The following EDIL3 variants were observed in gnomAD, a reference collection of about 807,000 sequenced individuals.
EDIL3 encodes the protein EGF-like repeat and discoidin I-like domain-containing protein 3.
A neutral mutation model predicts 67.4 loss-of-function variants in EDIL3; 37 were observed. The ratio of observed to expected loss-of-function variants is 0.55; its 90% CI spans 0.42 to 0.72. EDIL3 has a LOEUF of 0.72. EDIL3 is among the 30% of genes least tolerant of loss of function. EDIL3 has a pLI of 0.00. For synonymous variants in EDIL3, 195 were observed against 196.3 expected (o/e 0.99, Z 0.05); for missense variants, 527 against 586.3 (o/e 0.90, Z 1.04).
chr5:84,349,125 A>C (rs1300284083), intron 1 of EDIL3, among the ~76,000 whole-genome samples: 1 of 152,096 alleles, frequency 6.6e-6, no homozygotes, highest in Non-Finnish European at 1.5e-5. Context: ...CTTAACTTCT[A>C]CTGCCAAATT....
intron 9 of EDIL3, among the ~76,000 whole-genome samples, chr5:84,060,082 A>G (rs553470179): frequency 1.3e-5 from 2 of 152,328 alleles, no homozygotes; most frequent in African/African-American, 4.8e-5. Flanking sequence ...AGTCTCCTGC[A>G]TCAAGCTTAC....
At chr5:84,081,512 T>C (rs1232998435) in intron 6 of EDIL3, among the ~76,000 whole-genome samples, 3 of 151,986 alleles carry the variant, frequency 2.0e-5, no homozygotes, top group Non-Finnish European at 2.9e-5. Flanking sequence ...ACTTTGCTAA[T>C]GAATATTTTT....
At chr5:84,217,140 CAAAAAAA>C (rs33931531) in intron 3 of EDIL3, among the ~76,000 whole-genome samples, 2 of 136,150 alleles carry the variant, frequency 1.5e-5, no homozygotes, top group Non-Finnish European at 3.2e-5. Context: ...CAAGGACAGC[CAAAAAAA>C]AAAAAAAAAA....
At chr5:84,241,949 G>A (rs903194715) in intron 2 of EDIL3, among the ~76,000 whole-genome samples, 6 of 151,818 alleles carry the variant, frequency 4.0e-5, no homozygotes, top group Admixed American at 1.3e-4. Flanking sequence ...AGCCGGGCGC[G>A]GTGGCTCACG....
rs115508125 is a variant in EDIL3 at position 84,269,210 on chromosome 5, C to T, written c.68-14998G>A. Among the ~76,000 whole-genome samples the T allele has an allele frequency of 5.7e-3, 874 of 152,260 alleles. 11 individuals are homozygous for T. The highest frequency in any genetic ancestry group is 0.02 in the African/African-American group (821 of 41,566). ...CAATATGTCTCAGAGATTGTCAGCA[C>T]AAAGCCATTTCACTTTTTTCAGCAA... On this transcript the variant is annotated intron_variant, in intron 1 of 10. Transcript: ENST00000296591.
intron 4 of EDIL3, among the ~76,000 whole-genome samples, chr5:84,147,151 C>A (rs73769746): frequency 6.6e-6 from 1 of 151,734 alleles, no homozygotes; most frequent in East Asian, 1.9e-4. Context: ...TTGCCTGTAT[C>A]TAAACTTTAT....
At chr5:84,175,764 T>C (rs576842481) in intron 4 of EDIL3, among the ~76,000 whole-genome samples, 1 of 152,186 alleles carries the variant, frequency 6.6e-6, no homozygotes, top group African/African-American at 2.4e-5. Flanking sequence ...TGATTGAAGG[T>C]AGTGGTCATT....
At chr5:84,126,423 A>G (rs1228895612) in intron 5 of EDIL3, among the ~76,000 whole-genome samples, 1 of 152,108 alleles carries the variant, frequency 6.6e-6, no homozygotes, top group African/African-American at 2.4e-5. Context: ...AACATATAAA[A>G]TGAAATACAA....
intron 1 of EDIL3, among the ~76,000 whole-genome samples, chr5:84,269,799 A>G (rs1745426808): frequency 6.6e-6 from 1 of 152,200 alleles, no homozygotes; most frequent in South Asian, 2.1e-4. Flanking sequence ...CTCAAGAGGC[A>G]TATCAGTAGA....
At chr5:84,008,180 A>G (rs2112177262) in intron 9 of EDIL3, among the ~76,000 whole-genome samples, 1 of 152,278 alleles carries the variant, frequency 6.6e-6, no homozygotes, top group Admixed American at 6.5e-5. Flanking sequence ...TAATGGGTAC[A>G]AACATATGGT....
At chr5:84,311,705 G>C (rs956133144) in intron 1 of EDIL3, among the ~76,000 whole-genome samples, 2 of 152,034 alleles carry the variant, frequency 1.3e-5, no homozygotes, top group Non-Finnish European at 1.5e-5. Flanking sequence ...AGGACCCTGC[G>C]GCCTTCCGCA....
At position 84,259,828 on chromosome 5, in the gene EDIL3, C is replaced by T. The variant is rs76784667; in HGVS notation, c.68-5616G>A. ...ACCTCAACAGCAAAGTGTGTGAGCA[C>T]CTATAAAATACTACTTGGTATTGCA... On this transcript the variant is annotated intron_variant, in intron 1 of 10. Transcript: ENST00000296591. Among the ~76,000 whole-genome samples the T allele has an allele frequency of 6.6e-3, 1,000 of 152,112 alleles. 15 individuals carry two copies. Among genetic ancestry groups the T allele is most frequent in the African/African-American group, 0.023 (953 of 41,464 alleles).
chr5:84,168,488 T>C (rs1282606787), intron 4 of EDIL3, among the ~76,000 whole-genome samples: 1 of 152,162 alleles, frequency 6.6e-6, no homozygotes, highest in Non-Finnish European at 1.5e-5. Flanking sequence ...ATTTCTAGAT[T>C]CTATCTTAAT....
intron 4 of EDIL3, among the ~76,000 whole-genome samples, chr5:84,176,509 T>C (rs1158011856): frequency 2.0e-5 from 3 of 151,362 alleles, no homozygotes; most frequent in African/African-American, 7.3e-5. Context: ...GAGAAGAATG[T>C]ACAGAATGCC....
At chr5:84,356,087 A>G (rs1747474417) in intron 1 of EDIL3, among the ~76,000 whole-genome samples, 1 of 152,196 alleles carries the variant, frequency 6.6e-6, no homozygotes, top group Non-Finnish European at 1.5e-5. Flanking sequence ...CTACTATGAA[A>G]TTATATAGGC....
intron 1 of EDIL3, among the ~76,000 whole-genome samples, chr5:84,274,225 C>T (rs1391683611): frequency 6.6e-6 from 1 of 152,034 alleles, no homozygotes; most frequent in East Asian, 1.9e-4. Context: ...TCCTTAGCCT[C>T]CCAAGTAGGT....
At chr5:84,001,456 C>T (rs906605588) in intron 9 of EDIL3, among the ~76,000 whole-genome samples, 14 of 151,874 alleles carry the variant, frequency 9.2e-5, no homozygotes, top group Middle Eastern at 3.4e-3. Flanking sequence ...ATAAAGATCA[C>T]AGTAGAAATA....
intron 2 of EDIL3, among the ~76,000 whole-genome samples, chr5:84,245,842 G>C (rs1478793141): frequency 1.3e-5 from 2 of 150,658 alleles, no homozygotes. Context: ...TTTCAGGTTA[G>C]GAGTAAAAGG....
chr5:84,187,346 T>C (rs926922595), intron 3 of EDIL3, among the ~76,000 whole-genome samples: 3 of 152,068 alleles, frequency 2.0e-5, no homozygotes, highest in Non-Finnish European at 4.4e-5. Flanking sequence ...GTAATATGAT[T>C]AGCTGCTTAC....
Sources: gnomAD v4.1 joint callset for allele counts (sites outside exome capture counted in the v4.1 genomes callset) on GRCh38, gnomAD v4.1.1 for gene constraint, MANE v1.5 for transcripts, NCBI Gene and HGNC (gene_info 2026-07-23, HGNC 2026-07-21) for gene names.